The following LRBA variants were observed in gnomAD, a reference collection of about 807,000 sequenced individuals.
LRBA encodes LPS responsive beige-like anchor protein.
A neutral mutation model predicts 330.0 loss-of-function variants in LRBA; 176 were observed. That is an observed-to-expected ratio of 0.53 (90% CI 0.47 to 0.60). LRBA has a LOEUF of 0.60. Among genes scored for constraint, LRBA ranks in the 20% least tolerant of loss-of-function variants. The probability of loss-of-function intolerance (pLI) is 0.00; values close to 1 mark genes in which losing one functional copy is unlikely to be tolerated. For synonymous variants in LRBA, 1,230 were observed against 1,193.0 expected (o/e 1.03, Z -0.64); for missense variants, 3,259 against 3,444.8 (o/e 0.95, Z 1.35).
intron 2 of LRBA, among the ~76,000 whole-genome samples, chr4:150,994,064 C>CAAA (rs538401022): frequency 9.7e-5 from 8 of 82,286 alleles, no homozygotes; most frequent in African/African-American, 2.6e-4. Flanking sequence ...GACTCTGTCT[C>CAAA]AAAAAAAAAA....
At chr4:150,824,321 CTT>C (rs1391213487) in intron 30 of LRBA, among the ~76,000 whole-genome samples, 1 of 152,084 alleles carries the variant, frequency 6.6e-6, no homozygotes, top group Non-Finnish European at 1.5e-5. Context: ...TTTATGGACT[CTT>C]TAGGTTTTTC....
intron 36 of LRBA, among the ~76,000 whole-genome samples, chr4:150,708,995 A>G (rs1785918117): frequency 6.6e-6 from 1 of 151,842 alleles, no homozygotes; most frequent in Non-Finnish European, 1.5e-5. Flanking sequence ...ATTCTACACT[A>G]GTGGTCACAA....
intron 33 of LRBA, among the ~76,000 whole-genome samples, chr4:150,801,082 C>T (rs768633192): frequency 2.0e-5 from 3 of 152,004 alleles, no homozygotes; most frequent in Non-Finnish European, 2.9e-5. Flanking sequence ...AATATAAGAG[C>T]CCTCTTGTTT....
At chr4:150,626,769 T>C (rs571809297) in intron 37 of LRBA, among the ~76,000 whole-genome samples, 22 of 152,250 alleles carry the variant, frequency 1.4e-4, no homozygotes, top group African/African-American at 5.1e-4. Context: ...TTTAAACACT[T>C]GGAAATGGGA....
chr4:150,864,917 T>A (rs79813492), intron 22 of LRBA, among the ~76,000 whole-genome samples: 1 of 152,122 alleles, frequency 6.6e-6, no homozygotes, highest in Non-Finnish European at 1.5e-5. Context: ...ATTACATGCA[T>A]GTGCCATCGT....
chr4:150,296,165 T>C (rs1221916914), intron 53 of LRBA, among the ~76,000 whole-genome samples: 1 of 152,198 alleles, frequency 6.6e-6, no homozygotes, highest in Non-Finnish European at 1.5e-5. Flanking sequence ...ACATCCTCCT[T>C]AACATTTTTA....
At chr4:150,929,554 C>T (rs1379693171) in intron 2 of LRBA, among the ~76,000 whole-genome samples, 1 of 152,134 alleles carries the variant, frequency 6.6e-6, no homozygotes, top group Non-Finnish European at 1.5e-5. Flanking sequence ...TTCATTTTAC[C>T]TCTCCTCTGT....
Position 150,718,686 on chromosome 4 carries a change from T to C in LRBA, c.5754+16572A>G, listed in dbSNP as rs184006967. 2.3e-3 allele frequency among the ~76,000 whole-genome samples: 357 copies of C among 152,288 alleles called. 1 individual carries two copies. Among genetic ancestry groups the C allele is most frequent in the African/African-American group, 8.0e-3 (334 of 41,586 alleles). ...TAACAACAATATTTATTTGGAAATA[T>C]TTCTTGTTTTATTTAGAAATTTTAT... On this transcript the variant is annotated intron_variant, in intron 36 of 56. Transcript: ENST00000651943.
At chr4:150,877,504 A>G (rs1030532364) in intron 17 of LRBA, among the ~76,000 whole-genome samples, 3 of 152,240 alleles carry the variant, frequency 2.0e-5, no homozygotes, top group African/African-American at 7.2e-5. Flanking sequence ...ATATGCACCC[A>G]ATAGTAGAGC....
rs58972028 is a variant in LRBA at position 150,365,791 on chromosome 4, C to CA, written c.7195-15633dup. Among the ~76,000 whole-genome samples, 237 of 91,582 alleles carry CA rather than the reference C, an allele frequency of 2.6e-3. 3 individuals are homozygous for CA. Among genetic ancestry groups the CA allele is most frequent in the East Asian group, 7.1e-3 (23 of 3,228 alleles). The allele number at this position is 91,582 out of a possible 152,430, so 60.1% of individuals were successfully genotyped here. A position where few individuals can be genotyped will look rare whatever the true frequency, so the allele number is the denominator to read the frequency against. ...GGGTAACAAGAGTGAAACTCTGTCT[C>CA]AAAAAAAAAAAAAAAAAAAAAGTGA... On this transcript the variant is annotated intron_variant, in intron 47 of 56. Transcript: ENST00000651943.
chr4:150,642,310 G>C (rs1778757637), intron 37 of LRBA, among the ~76,000 whole-genome samples: 1 of 151,630 alleles, frequency 6.6e-6, no homozygotes, highest in Non-Finnish European at 1.5e-5. Flanking sequence ...GCGGGAGAAT[G>C]GTATAACATA....
intron 2 of LRBA, among the ~76,000 whole-genome samples, chr4:150,994,481 G>A (rs979184828): frequency 6.6e-6 from 1 of 152,110 alleles, no homozygotes; most frequent in Non-Finnish European, 1.5e-5. Context: ...AGGCCCCAAG[G>A]CCCTGGCAAT....
At chr4:150,768,172 A>T (rs932077019) in intron 34 of LRBA, among the ~76,000 whole-genome samples, 1 of 151,848 alleles carries the variant, frequency 6.6e-6, no homozygotes, top group Non-Finnish European at 1.5e-5. Context: ...AGTACATGAG[A>T]TACATTAAGA....
At position 150,835,622 on chromosome 4, in the gene LRBA, G is replaced by T. The variant is rs1182461745; in HGVS notation, c.4570-3646C>A. ...CTGTTTGTCTGTTATTGGTGTATAG[G>T]AATGTTTGTGATTTTTGCACATTGA... On this transcript the variant is annotated intron_variant, in intron 28 of 56. Transcript: ENST00000651943. Among the ~76,000 whole-genome samples the T allele has an allele frequency of 3.3e-5, 5 of 152,208 alleles. No homozygotes were observed. The East Asian group carries it at 9.7e-4, about 29-fold the overall frequency.
At chr4:151,000,133 G>A (rs1271370560) in intron 2 of LRBA, among the ~76,000 whole-genome samples, 1 of 152,140 alleles carries the variant, frequency 6.6e-6, no homozygotes, top group African/African-American at 2.4e-5. Context: ...TCAACTTTAT[G>A]ATGGTGTGAA....
intron 2 of LRBA, among the ~76,000 whole-genome samples, chr4:150,975,332 C>G (rs1579374618): frequency 6.6e-6 from 1 of 151,964 alleles, no homozygotes; most frequent in African/African-American, 2.4e-5. Flanking sequence ...GAGTTAGAGA[C>G]CAGCCTGGCC....
intron 26 of LRBA, among the ~76,000 whole-genome samples, chr4:150,846,460 A>G (rs6535753): frequency 0.87 from 131,941 of 150,980 alleles, 58,197 homozygotes; most frequent in Non-Finnish European, 0.95. Flanking sequence ...AACCCGGAAG[A>G]AAGAGGTTGC....
chr4:150,867,793 C>A lies in LRBA; in HGVS notation c.2644G>T (p.Asp882Tyr). ...ACCATTTCTGTTATCTTTTGCTCAT[C>A]TGAATTCTTAGGATTAAAATAGCAG... ...SLCYFNPKNS[D>Y]EQKITEMVYA... is the part of the protein sequence containing the mutation. Residue 882 changes from aspartate to tyrosine, a missense_variant, in exon 22 of 57, where the codon GAT becomes TAT. Coordinates refer to ENST00000651943, the MANE Select transcript of LRBA (RefSeq NM_001364905.1). The A allele has an allele frequency of 1.9e-6, 3 of 1,613,680 alleles. No homozygotes were observed. The highest frequency in any genetic ancestry group is 2.5e-6 in the Non-Finnish European group (3 of 1,179,796).
At chr4:150,995,383 C>A (rs1742516320) in intron 2 of LRBA, among the ~76,000 whole-genome samples, 1 of 151,314 alleles carries the variant, frequency 6.6e-6, no homozygotes, top group Non-Finnish European at 1.5e-5. Context: ...ATCAGCAGAA[C>A]AAGCCTTTCA....
Sources: allele counts gnomAD v4.1 joint callset (sites outside exome capture counted in the v4.1 genomes callset), GRCh38; gene constraint gnomAD v4.1.1; transcripts MANE v1.5; gene names NCBI Gene and HGNC (gene_info 2026-07-23, HGNC 2026-07-21).